CSMD2: variants seen among roughly 807,000 people sequenced by gnomAD.
The protein encoded by CSMD2 is CUB and Sushi multiple domains 2, also known as CUB and sushi domain-containing protein 2.
In CSMD2, 130 loss-of-function variants were observed where a neutral mutation model predicts 398.5. That is an observed-to-expected ratio of 0.33 (90% CI 0.28 to 0.38). The LOEUF is 0.38. CSMD2 is among the 10% of genes least tolerant of loss of function. The pLI is 1.00. For missense variants in CSMD2, 3,829 were observed against 4,764.9 expected (o/e 0.80, Z 5.78); for synonymous variants, 1,828 against 1,908.5 (o/e 0.96, Z 1.10).
chr1:33,842,367 G>A (rs1570231164), intron 6 of CSMD2, among the ~76,000 whole-genome samples: 1 of 152,138 alleles, frequency 6.6e-6, no homozygotes, highest in Admixed American at 6.5e-5. Context: ...TTCCTAAAAC[G>A]AAAATGTGAT....
chr1:33,616,926 T>G lies in CSMD2; in HGVS notation c.5996A>C (p.Tyr1999Ser), dbSNP rs1570957477. Residue 1999 changes from tyrosine (Y) to serine (S), a missense_variant, in exon 39 of 71, where the codon TAC (tyrosine) becomes TCC (serine). Transcript: ENST00000373381. ...CMPGTVRRWN[Y>S]PPPLCIAQCG... ...CTTACCAATACAGAGTGGAGGAGGGTAGTTCCATCGCCGCACTGTTCCGGG... is the reference window on the plus strand; with the variant it reads ...CTTACCAATACAGAGTGGAGGAGGGGAGTTCCATCGCCGCACTGTTCCGGG... 1 of 1,614,022 alleles carries G rather than the reference T, an allele frequency of 6.2e-7. No homozygotes were observed. Among genetic ancestry groups the G allele is most frequent in the Non-Finnish European group, 8.5e-7 (1 of 1,179,946 alleles).
intron 62 of CSMD2, among the ~76,000 whole-genome samples, chr1:33,536,611 G>A (rs1301532489): frequency 1.3e-5 from 2 of 152,182 alleles, no homozygotes; most frequent in African/African-American, 4.8e-5. Flanking sequence ...CAGGGCCTGT[G>A]TCCTGGTGGG....
chr1:34,001,491 C>T (rs1043808734), intron 3 of CSMD2, among the ~76,000 whole-genome samples: 1 of 152,162 alleles, frequency 6.6e-6, no homozygotes, highest in Admixed American at 6.5e-5. Flanking sequence ...CATTCGAGCT[C>T]CGAGGAGAAC....
chr1:33,626,607 G>A, intron 32 of CSMD2, 26 bp from the exon 33 acceptor site: 1 of 1,536,638 alleles, frequency 6.5e-7, no homozygotes, highest in Non-Finnish European at 8.9e-7. Context: ...GCAAGGAGGA[G>A]AGAACAGTGA....
intron 1 of CSMD2, among the ~76,000 whole-genome samples, chr1:34,100,566 A>G (rs1659839500): frequency 6.6e-6 from 1 of 152,164 alleles, no homozygotes; most frequent in Non-Finnish European, 1.5e-5. Context: ...GTTGATGGCC[A>G]TTCAGGTCAT....
At chr1:34,009,923 T>A (rs970270298) in intron 3 of CSMD2, among the ~76,000 whole-genome samples, 3 of 152,166 alleles carry the variant, frequency 2.0e-5, no homozygotes, top group African/African-American at 7.2e-5. Context: ...GGCAATGTTT[T>A]CCTAAGTGGG....
At position 33,698,774 on chromosome 1, in the gene CSMD2, G is replaced by T. The variant is rs779459100; in HGVS notation, c.3904C>A (p.Arg1302=). The T allele has an allele frequency of 6.2e-7, 1 of 1,613,080 alleles. No homozygotes were observed. The highest frequency in any genetic ancestry group is 8.5e-7 in the Non-Finnish European group (1 of 1,179,480). ...CTACCGACACAGGTGGGCAGAGGCC[G>T]GTCCCAGGTCCGGCGCTCTCCACTC... ...CLSGERRTWD[R]PLPTCVAECG... The change falls in exon 24 of 71, where the codon CGG becomes AGG. Residue 1302 remains arginine, a synonymous_variant. Transcript: ENST00000373381.
intron 67 of CSMD2, among the ~76,000 whole-genome samples, chr1:33,521,955 A>G (rs1654343481): frequency 6.6e-6 from 1 of 152,192 alleles, no homozygotes; most frequent in African/African-American, 2.4e-5. Context: ...CTGTGATGAA[A>G]AACCGCCTTT....
intron 47 of CSMD2, 83 bp from the exon 48 acceptor site, chr1:33,580,982 G>A: frequency 2.8e-6 from 4 of 1,424,398 alleles, no homozygotes; most frequent in Non-Finnish European, 3.8e-6. Context: ...CTCAGAGGGT[G>A]GGGTGACTTG....
Position 33,586,630 on chromosome 1 carries a change from G to A in CSMD2, c.6938-13C>T. On this transcript the variant is annotated splice_polypyrimidine_tract_variant and intron_variant, in intron 45 of 70. Transcript: ENST00000373381. ...CGTACGATGTCACCTGTCAAAGAAAGACCAACATGTAGACCCTCTTAAGAA... is the reference window on the plus strand; with the variant it reads ...CGTACGATGTCACCTGTCAAAGAAAAACCAACATGTAGACCCTCTTAAGAA... 1 of 1,547,050 alleles carries A rather than the reference G, an allele frequency of 6.5e-7. No homozygotes were observed.
intron 3 of CSMD2, among the ~76,000 whole-genome samples, chr1:34,024,942 C>T (rs1208727472): frequency 6.6e-6 from 1 of 152,168 alleles, no homozygotes; most frequent in African/African-American, 2.4e-5. Flanking sequence ...GGTCTAATTA[C>T]AGGAAAAAAC....
chr1:33,794,604 G>T (rs1654719334), intron 10 of CSMD2, among the ~76,000 whole-genome samples: 1 of 152,232 alleles, frequency 6.6e-6, no homozygotes, highest in South Asian at 2.1e-4. Flanking sequence ...GAGGCTGCCG[G>T]TAATGCTAAG....
rs143575896 is a variant in CSMD2, at chr1:33,557,880, C to T, written c.8597G>A (p.Arg2866His). Residue 2866 changes from arginine (R) to histidine (H), a missense_variant, in exon 55 of 71, where the codon CGT (arginine) becomes CAT (histidine). Arg to His is a conservative substitution (Grantham distance 29). This residue lies in a region of CSMD2 where 917 missense variants were observed against 1,199.5 expected (regional missense o/e 0.76). Coordinates refer to ENST00000373381, the MANE Select transcript of CSMD2 (RefSeq NM_001281956.2). ...TDPGHQENSV[R>H]QVHASGPHRF... ...GTGCGGGCCGCTGGCGTGGACCTGA[C>T]GAACACTATTTTCTTGGTGTCCAGG... 1,994 of 1,536,126 alleles carry T rather than the reference C, an allele frequency of 1.3e-3. 1 individual carries two copies. Among genetic ancestry groups the T allele is most frequent in the Admixed American group, 2.4e-3 (121 of 51,006 alleles).
intron 2 of CSMD2, among the ~76,000 whole-genome samples, chr1:34,079,979 T>G (rs138517965): frequency 4.3e-4 from 65 of 152,136 alleles, no homozygotes; most frequent in African/African-American, 1.5e-3. Context: ...TTTTAAAAAT[T>G]TAACTACTGT....
At chr1:33,897,975 G>C (rs1157212642) in intron 5 of CSMD2, among the ~76,000 whole-genome samples, 1 of 152,114 alleles carries the variant, frequency 6.6e-6, no homozygotes, top group Non-Finnish European at 1.5e-5. Context: ...TCTCAGTCAA[G>C]ACCCTGGGTT....
At chr1:34,165,621 G>T, upstream of CSMD2, 2 of 819,702 alleles carry the variant, frequency 2.4e-6, no homozygotes, top group South Asian at 3.2e-5. Flanking sequence ...CACACACAGT[G>T]ACAGAGACAC....
At chr1:33,662,299 T>G (rs151138141) in intron 26 of CSMD2, among the ~76,000 whole-genome samples, 42 of 152,126 alleles carry the variant, frequency 2.8e-4, no homozygotes, top group Non-Finnish European at 4.7e-4. Context: ...ATCAGCTTAT[T>G]CATAACCATG....
At chr1:34,096,188 A>C (rs181549858) in intron 1 of CSMD2, among the ~76,000 whole-genome samples, 3,985 of 152,092 alleles carry the variant, frequency 0.026, 204 homozygotes, top group African/African-American at 0.092. Flanking sequence ...GATGCAGAAA[A>C]GGCCTTTGAC....
chr1:33,992,263 A>G (rs1162813752), intron 3 of CSMD2, among the ~76,000 whole-genome samples: 1 of 152,144 alleles, frequency 6.6e-6, no homozygotes, highest in Admixed American at 6.5e-5. Context: ...TGATGATGGT[A>G]CTCATGACAG....
Sources: gnomAD v4.1 joint callset for allele counts (sites outside exome capture counted in the v4.1 genomes callset) on GRCh38, gnomAD v4.1.1 for gene constraint, gnomAD v4.1.1 regional missense constraint, MANE v1.5 for transcripts, NCBI Gene and HGNC (gene_info 2026-07-23, HGNC 2026-07-21) for gene names.